The following NEXMIF variants were observed in gnomAD, a reference collection of about 807,000 sequenced individuals.
The protein encoded by NEXMIF is neurite extension and migration factor, also known as XLMR protein related to neurite extension.
Under a neutral mutation model 62.1 loss-of-function variants are expected in NEXMIF, and 8 were observed. The observed-to-expected ratio is 0.13, with a 90% confidence interval of 0.08 to 0.23. The LOEUF is 0.23. NEXMIF is among the 10% of genes least tolerant of loss of function. The probability of loss-of-function intolerance (pLI) is 1.00; values close to 1 mark genes in which losing one functional copy is unlikely to be tolerated. For synonymous variants in NEXMIF, 404 were observed against 416.6 expected, an observed-to-expected ratio of 0.97 and a Z score of 0.37; for missense variants, 976 against 1,113.3, an observed-to-expected ratio of 0.88 and a Z score of 1.75.
chrX:74,831,026 A>G (rs2147483987), intron 1 of NEXMIF, among the ~76,000 whole-genome samples: 1 of 110,465 alleles, frequency 9.1e-6, no homozygotes, highest in Admixed American at 9.7e-5. Context: ...TTCCTTTCCA[A>G]TTTGAATGCC....
At chrX:74,863,929 C>A (rs2080567530) in intron 1 of NEXMIF, among the ~76,000 whole-genome samples, 1 of 112,366 alleles carries the variant, frequency 8.9e-6, no homozygotes, top group Non-Finnish European at 1.9e-5. Context: ...AAGTCAGCTT[C>A]ATTCCTTGGA....
chrX:74,741,911 T>C lies in NEXMIF; in HGVS notation c.2646A>G (p.Ser882=). Residue 882 remains serine, a synonymous_variant, in exon 3 of 4, where the codon TCA becomes TCG. Coordinates refer to ENST00000055682, the MANE Select transcript of NEXMIF (RefSeq NM_001008537.3). ...TGGGCCACACATTTCTATAGTTGCT[T>C]GATTCCATTTTGAAGTTATGAGATG... is the stretch of plus-strand genomic sequence containing the variant. The part of the protein sequence containing the change: ...QQSSHNFKME[S]SNYRNVWPNK... 8.3e-7 allele frequency: 1 copy of C among 1,211,818 alleles called. No homozygotes were observed. The highest frequency in any genetic ancestry group is 1.8e-5 in the South Asian group (1 of 56,990).
chrX:74,873,186 A>T (rs1255251102), intron 1 of NEXMIF, among the ~76,000 whole-genome samples: 5 of 107,002 alleles, frequency 4.7e-5, no homozygotes, highest in South Asian at 4.1e-4. Context: ...TTCCCCTTCC[A>T]GTGTCCATGT....
At chrX:74,812,695 C>A (rs192621843) in intron 1 of NEXMIF, among the ~76,000 whole-genome samples, 6 of 111,452 alleles carry the variant, frequency 5.4e-5, no homozygotes, top group Admixed American at 1.9e-4. Flanking sequence ...AAGCTAAGTA[C>A]AAGAAAATCA....
At chrX:74,761,139 G>GGATT (rs2080174691) in intron 1 of NEXMIF, among the ~76,000 whole-genome samples, 1 of 110,661 alleles carries the variant, frequency 9.0e-6, no homozygotes, top group Admixed American at 9.7e-5. Flanking sequence ...CAAAGTGCTG[G>GGATT]GATTACAGGC....
At chrX:74,873,850 T>C (rs1236863088) in intron 1 of NEXMIF, among the ~76,000 whole-genome samples, 7 of 111,661 alleles carry the variant, frequency 6.3e-5, no homozygotes, top group Non-Finnish European at 9.4e-5. Flanking sequence ...TTTGTTTTTT[T>C]CTTGTAAATT....
At chrX:74,878,917 C>T (rs903476149) in intron 1 of NEXMIF, among the ~76,000 whole-genome samples, 57 of 112,651 alleles carry the variant, frequency 5.1e-4, no homozygotes, top group Admixed American at 4.7e-4. Flanking sequence ...GAACCCGGTA[C>T]CTCAGATGGA....
intron 1 of NEXMIF, among the ~76,000 whole-genome samples, chrX:74,900,244 C>A (rs1215221858): frequency 1.8e-5 from 2 of 110,347 alleles, no homozygotes; most frequent in Non-Finnish European, 3.8e-5. Flanking sequence ...GCAGGCGGAT[C>A]ACGAGGTCAG....
intron 1 of NEXMIF, among the ~76,000 whole-genome samples, chrX:74,810,174 T>A (rs1424916974): frequency 8.9e-6 from 1 of 112,216 alleles, no homozygotes; most frequent in Admixed American, 9.5e-5. Flanking sequence ...AATATTTTTT[T>A]AGCAAATTAC....
At chrX:74,914,799 C>T (rs1403832413) in intron 1 of NEXMIF, among the ~76,000 whole-genome samples, 1 of 112,094 alleles carries the variant, frequency 8.9e-6, no homozygotes, top group Non-Finnish European at 1.9e-5. Flanking sequence ...TTTCTCCCTA[C>T]AGGTGAATGA....
intron 1 of NEXMIF, among the ~76,000 whole-genome samples, chrX:74,844,799 A>G (rs1174517963): frequency 8.9e-6 from 1 of 112,692 alleles, no homozygotes; most frequent in Non-Finnish European, 1.9e-5. Context: ...TAATTCAACA[A>G]GCATTTTCAG....
At chrX:74,889,422 A>G (rs1238688350) in intron 1 of NEXMIF, among the ~76,000 whole-genome samples, 2 of 112,058 alleles carry the variant, frequency 1.8e-5, no homozygotes, top group African/African-American at 6.5e-5. Flanking sequence ...AATTTCAGTA[A>G]TAGTGTTTCG....
At chrX:74,918,427 G>A (rs1284755118) in intron 1 of NEXMIF, among the ~76,000 whole-genome samples, 2 of 111,875 alleles carry the variant, frequency 1.8e-5, no homozygotes, top group African/African-American at 3.3e-5. Flanking sequence ...AATTTGCTGA[G>A]ATCTAGTCTC....
intron 1 of NEXMIF, among the ~76,000 whole-genome samples, chrX:74,780,624 G>A (rs756623567): frequency 2.7e-5 from 3 of 110,206 alleles, no homozygotes; most frequent in South Asian, 4.0e-4. Context: ...CAATCGGCCC[G>A]CTGTGGCCTC....
intron 1 of NEXMIF, among the ~76,000 whole-genome samples, chrX:74,887,646 A>C (rs1333731247): frequency 9.0e-6 from 1 of 110,660 alleles, no homozygotes; most frequent in African/African-American, 3.3e-5. Flanking sequence ...GTCAGGAAAC[A>C]ACAGGTGCTG....
chrX:74,793,105 G>A (rs1207877776), intron 1 of NEXMIF, among the ~76,000 whole-genome samples: 10 of 109,421 alleles, frequency 9.1e-5, no homozygotes, highest in East Asian at 2.9e-4. Context: ...ATTTTGCAGC[G>A]GCTGGTTCCG....
intron 1 of NEXMIF, among the ~76,000 whole-genome samples, chrX:74,799,334 C>G (rs1307936634): frequency 2.7e-5 from 3 of 111,594 alleles, no homozygotes; most frequent in Non-Finnish European, 3.8e-5. Context: ...GACTCATTCT[C>G]AACTACAAGA....
At chrX:74,821,146 CTCT>C (rs1380742136) in intron 1 of NEXMIF, among the ~76,000 whole-genome samples, 1 of 111,349 alleles carries the variant, frequency 9.0e-6, no homozygotes, top group Non-Finnish European at 1.9e-5. Context: ...AACTGTTTGT[CTCT>C]TCTGAGATGG....
chrX:74,754,559 G>A (rs903987240), intron 1 of NEXMIF, among the ~76,000 whole-genome samples: 5 of 107,908 alleles, frequency 4.6e-5, no homozygotes. Context: ...CACCCACCTC[G>A]GCCTCCCAAA....
Sources: gnomAD v4.1 joint callset for allele counts (sites outside exome capture counted in the v4.1 genomes callset) on GRCh38, gnomAD v4.1.1 for gene constraint, MANE v1.5 for transcripts, NCBI Gene and HGNC (gene_info 2026-07-23, HGNC 2026-07-21) for gene names.